PAPPA2: variants seen among roughly 807,000 people sequenced by gnomAD.
PAPPA2 encodes pappalysin 2.
PAPPA2 carries 86 observed loss-of-function variants against 176.4 expected under a neutral mutation model. That is an observed-to-expected ratio of 0.49 (90% CI 0.41 to 0.58). The LOEUF (loss-of-function observed/expected upper bound fraction) is 0.58. Among genes scored for constraint, PAPPA2 ranks in the 20% least tolerant of loss-of-function variants. The pLI, the probability that PAPPA2 is intolerant of heterozygous loss-of-function variation, is 0.00. For missense variants in PAPPA2, 2,073 were observed against 2,256.9 expected, an observed-to-expected ratio of 0.92 and a Z score of 1.65; for synonymous variants, 809 against 852.2, an observed-to-expected ratio of 0.95 and a Z score of 0.88.
intron 17 of PAPPA2, among the ~76,000 whole-genome samples, chr1:176,782,111 T>C (rs1664746015): frequency 6.6e-6 from 1 of 152,226 alleles, no homozygotes; most frequent in African/African-American, 2.4e-5. Flanking sequence ...AATGCTTCCA[T>C]TTTATAATAT....
chr1:176,489,927 T>G (rs1652816969), intron 1 of PAPPA2, among the ~76,000 whole-genome samples: 1 of 152,190 alleles, frequency 6.6e-6, no homozygotes. Context: ...GTGGTATATA[T>G]TCAATAAATA....
At chr1:176,521,108 CAGAGACAG>C (rs1649193793) in intron 1 of PAPPA2, among the ~76,000 whole-genome samples, 1 of 130,746 alleles carries the variant, frequency 7.6e-6, no homozygotes, top group African/African-American at 3.4e-5. Flanking sequence ...GAAAGAGAGA[CAGAGACAG>C]AGAGAGAGAG....
chr1:176,671,221 T>A (rs1357567169), intron 4 of PAPPA2, 106 bp downstream of exon 4: 3 of 1,441,158 alleles, frequency 2.1e-6, no homozygotes, highest in Non-Finnish European at 2.8e-6. Flanking sequence ...AAAAGTGAAT[T>A]TACACAGTGA....
intron 7 of PAPPA2, among the ~76,000 whole-genome samples, chr1:176,697,921 A>G (rs1660459283): frequency 6.6e-6 from 1 of 152,202 alleles, no homozygotes; most frequent in African/African-American, 2.4e-5. Flanking sequence ...GAATTAATGA[A>G]TCAACTCATA....
chr1:176,690,642 A>C, intron 5 of PAPPA2: 2 of 1,370,504 alleles, frequency 1.5e-6, no homozygotes, highest in Admixed American at 3.2e-5. Flanking sequence ...TGTTCACTGA[A>C]TTCTCCTCTA....
At chr1:176,482,292 T>C (rs982995813) in intron 1 of PAPPA2, among the ~76,000 whole-genome samples, 3 of 152,234 alleles carry the variant, frequency 2.0e-5, no homozygotes, top group African/African-American at 7.2e-5. Context: ...TCAGTCATAA[T>C]GAATGCAGCT....
intron 17 of PAPPA2, among the ~76,000 whole-genome samples, chr1:176,773,411 C>G (rs149273112): frequency 1.3e-5 from 2 of 152,196 alleles, no homozygotes; most frequent in African/African-American, 4.8e-5. Flanking sequence ...CTATGATATG[C>G]AAGCACAAAG....
chr1:176,680,111 G>T (rs909282375), intron 4 of PAPPA2, among the ~76,000 whole-genome samples: 1 of 152,088 alleles, frequency 6.6e-6, no homozygotes, highest in African/African-American at 2.4e-5. Flanking sequence ...AAAATCAAAA[G>T]GATAAACATA....
At chr1:176,694,538 A>G (rs544456235) in intron 6 of PAPPA2, among the ~76,000 whole-genome samples, 188 of 152,232 alleles carry the variant, frequency 1.2e-3, no homozygotes, top group African/African-American at 3.9e-3. Context: ...TTATAATACT[A>G]TTTTTCTGGC....
intron 21 of PAPPA2, among the ~76,000 whole-genome samples, chr1:176,838,830 C>G (rs1475267949): frequency 6.6e-6 from 1 of 152,206 alleles, no homozygotes; most frequent in Non-Finnish European, 1.5e-5. Flanking sequence ...AGTTCCACCC[C>G]ACAAGTAGCA....
intron 4 of PAPPA2, among the ~76,000 whole-genome samples, chr1:176,684,388 G>T (rs1286044628): frequency 6.6e-6 from 1 of 152,122 alleles, no homozygotes; most frequent in East Asian, 1.9e-4. Context: ...GAGAGAAGGT[G>T]GGGGAGCCTG....
intron 21 of PAPPA2, among the ~76,000 whole-genome samples, chr1:176,825,711 A>G (rs1163618453): frequency 1.3e-5 from 2 of 152,250 alleles, no homozygotes; most frequent in Non-Finnish European, 2.9e-5. Context: ...TGATTATTGT[A>G]TATTTTGTTT....
Position 176,594,815 on chromosome 1 carries a change from GC to G in PAPPA2, c.1212del (p.Ser405LeufsTer52). ...PLNSPFMASC[R>X]SLLLGGDSSE... ...AACAGCCCCTTCATGGCATCTTGCC[GC>G]TCTTTGCTCCTGGGGGGAGACAGCT... On this transcript the variant is annotated frameshift_variant, in exon 3 of 23. Coordinates refer to ENST00000367662, the MANE Select transcript of PAPPA2 (RefSeq NM_020318.3). LOFTEE classifies it high-confidence loss of function. 1 of 1,614,220 alleles carries G rather than the reference GC, an allele frequency of 6.2e-7. No homozygotes were observed. Among genetic ancestry groups the G allele is most frequent in the Non-Finnish European group, 8.5e-7 (1 of 1,180,042 alleles).
intron 3 of PAPPA2, among the ~76,000 whole-genome samples, chr1:176,655,243 C>T (rs115331832): frequency 0.028 from 4,197 of 151,760 alleles, 87 homozygotes; most frequent in Non-Finnish European, 0.046. Context: ...AGATGTGTTC[C>T]GTCTATGCCT....
At chr1:176,559,604 G>C (rs1471729389) in intron 2 of PAPPA2, among the ~76,000 whole-genome samples, 1 of 152,182 alleles carries the variant, frequency 6.6e-6, no homozygotes, top group Non-Finnish European at 1.5e-5. Flanking sequence ...ACTCATGCCT[G>C]TGGACAGACC....
intron 3 of PAPPA2, among the ~76,000 whole-genome samples, chr1:176,617,333 C>T (rs1420490359): frequency 1.3e-5 from 2 of 151,988 alleles, no homozygotes; most frequent in Non-Finnish European, 2.9e-5. Flanking sequence ...CAGGAGGTGG[C>T]GGTGGTTGTG....
intron 3 of PAPPA2, among the ~76,000 whole-genome samples, chr1:176,654,887 A>G (rs1203102796): frequency 6.6e-6 from 1 of 151,836 alleles, no homozygotes; most frequent in Non-Finnish European, 1.5e-5. Flanking sequence ...TTATTGATGT[A>G]TAGAAACACT....
chr1:176,625,773 T>G (rs1168906025), intron 3 of PAPPA2, among the ~76,000 whole-genome samples: 1 of 152,196 alleles, frequency 6.6e-6, no homozygotes, highest in East Asian at 1.9e-4. Context: ...GTAATCCCTG[T>G]AGTTTGGGAG....
At chr1:176,815,983 A>G (rs946732977) in intron 21 of PAPPA2, among the ~76,000 whole-genome samples, 2 of 151,298 alleles carry the variant, frequency 1.3e-5, no homozygotes, top group South Asian at 2.1e-4. Flanking sequence ...TCCACAAGGA[A>G]CCTTCTTGTG....
Sources: gnomAD v4.1 joint callset for allele counts (sites outside exome capture counted in the v4.1 genomes callset) on GRCh38, gnomAD v4.1.1 for gene constraint, MANE v1.5 for transcripts, NCBI Gene and HGNC (gene_info 2026-07-23, HGNC 2026-07-21) for gene names.